The following TANK variants were observed in gnomAD, a reference collection of about 807,000 sequenced individuals.
The protein encoded by TANK is TRAF family member-associated NF-kappa-B activator.
Under a neutral mutation model 43.6 loss-of-function variants are expected in TANK, and 15 were observed. The ratio of observed to expected loss-of-function variants is 0.34; its 90% CI spans 0.23 to 0.53. The LOEUF (loss-of-function observed/expected upper bound fraction) is 0.53. Ranked by LOEUF, TANK falls within the 20% of genes least tolerant of loss-of-function variation. The pLI is 0.94. For missense variants in TANK, 417 were observed against 498.6 expected, an observed-to-expected ratio of 0.84 and a Z score of 1.56; for synonymous variants, 162 against 178.2, an observed-to-expected ratio of 0.91 and a Z score of 0.73.
At chr2:161,141,522 C>T (rs1683746596) in intron 1 of TANK, among the ~76,000 whole-genome samples, 1 of 152,098 alleles carries the variant, frequency 6.6e-6, no homozygotes, top group East Asian at 1.9e-4. Flanking sequence ...ATGTTGTTCC[C>T]CTCCCTGTGT....
chr2:161,212,406 T>G, intron 4 of TANK: 1 of 984,766 alleles, frequency 1.0e-6, no homozygotes, highest in Non-Finnish European at 1.2e-6. Context: ...CCAAAACATT[T>G]TAATAATTAC....
chr2:161,139,964 AGAAATGTTT>A, intron 1 of TANK: 5 of 948,828 alleles, frequency 5.3e-6, no homozygotes, highest in Non-Finnish European at 6.3e-6. Context: ...TATGCTAAAG[AGAAATGTTT>A]GAAATTTGCT....
At chr2:161,156,263 T>C (rs1032562304), upstream of TANK, 13 of 985,462 alleles carry the variant, frequency 1.3e-5, no homozygotes, top group Non-Finnish European at 1.6e-5. Context: ...ATTGATTTAT[T>C]ATTCTGCAAT....
intron 1 of TANK, among the ~76,000 whole-genome samples, chr2:161,173,606 A>G (rs894665434): frequency 7.9e-5 from 12 of 151,640 alleles, no homozygotes; most frequent in African/African-American, 2.9e-4. Context: ...TACCTGTGCT[A>G]CACAGACCTC....
intron 1 of TANK, among the ~76,000 whole-genome samples, chr2:161,169,749 A>G (rs75547453): frequency 0.041 from 6,201 of 152,142 alleles, 264 homozygotes; most frequent in East Asian, 0.18. Context: ...GGAGAGAGCT[A>G]GAGATTGTGC....
At chr2:161,199,310 G>A (rs962547858) in intron 2 of TANK, among the ~76,000 whole-genome samples, 6 of 151,714 alleles carry the variant, frequency 4.0e-5, no homozygotes, top group Non-Finnish European at 7.4e-5. Context: ...GAGGAAAGCA[G>A]TGATATTTTT....
intron 2 of TANK, among the ~76,000 whole-genome samples, chr2:161,190,297 A>C (rs751480826): frequency 3.3e-5 from 5 of 152,220 alleles, no homozygotes; most frequent in Non-Finnish European, 7.4e-5. Context: ...TCAAAAAAGC[A>C]AAATAAGTGT....
chr2:161,235,537 CA>C lies in TANK; in HGVS notation c.*20del. On this transcript the variant is annotated 3_prime_UTR_variant, in exon 8 of 8. Transcript: ENST00000392749. ...GACTTAAGACACATTTGAAAACAGA[CA>C]TATCAAGTTCTATGTGATGATTTTG... 1 of 1,597,088 alleles carries C rather than the reference CA, an allele frequency of 6.3e-7. No individual in the cohort carries two copies. The highest frequency in any genetic ancestry group is 2.3e-5 in the East Asian group (1 of 44,074).
At chr2:161,161,215 ATTG>A (rs766904076) in intron 1 of TANK, 237 of 1,528,854 alleles carry the variant, frequency 1.6e-4, no homozygotes, top group Non-Finnish European at 2.0e-4. Context: ...CTGTGCCTTT[ATTG>A]TTATGCTATA....
At chr2:161,137,247 G>GAC (rs1422859285) in intron 1 of TANK, 2 of 985,156 alleles carry the variant, frequency 2.0e-6, no homozygotes, top group African/African-American at 3.5e-5. Context: ...AAAATGGCTG[G>GAC]ACGTGGTGGG....
chr2:161,176,014 C>G (rs1474157649), intron 1 of TANK, among the ~76,000 whole-genome samples: 1 of 152,074 alleles, frequency 6.6e-6, no homozygotes, highest in Non-Finnish European at 1.5e-5. Context: ...AAAACCCTAA[C>G]TAGGAGAGTG....
chr2:161,222,481 G>T (rs145532580), intron 4 of TANK, among the ~76,000 whole-genome samples: 1 of 151,790 alleles, frequency 6.6e-6, no homozygotes, highest in African/African-American at 2.4e-5. Flanking sequence ...GTTTGTTTTC[G>T]TATTTGTAGT....
At position 161,149,746 on chromosome 2, in the gene TANK, T is replaced by G. The variant is rs1193698326; in HGVS notation, c.-50+12683T>G. Among the ~76,000 whole-genome samples the G allele has an allele frequency of 1.3e-3, 9 of 7,088 alleles. No homozygotes were observed. In the East Asian group the frequency reaches 0.15, roughly 118 times the overall value. The allele number at this position is 7,088 out of a possible 152,430, so 4.7% of individuals were successfully genotyped here. On this transcript the variant is annotated intron_variant, in intron 1 of 7. Transcript: ENST00000259075. The stretch of plus-strand genomic sequence containing the variant: ...CGTCAGTGGAGATAATCATGTGGGT[T>G]TTTTTTTTTTTCCATTTTTCTATGA...
chr2:161,223,956 A>C lies in TANK; in HGVS notation c.369A>C (p.Ser123=), dbSNP rs773827429. The change falls in exon 5 of 8, where the codon TCA becomes TCC. Residue 123 remains serine (S), a synonymous_variant. Coordinates refer to ENST00000392749, the MANE Select transcript of TANK (RefSeq NM_001199135.3). ...QEVSSPRKET[S]ARSLGSPLLH... ...TTTCTTCTCCTAGAAAAGAAACTTC[A>C]GCAAGGAGTCTTGGCAGTCCTTTGC... The C allele has an allele frequency of 6.2e-7, 1 of 1,603,072 alleles. No individual in the cohort carries two copies. The highest frequency in any genetic ancestry group is 2.2e-5 in the East Asian group (1 of 44,600).
At chr2:161,219,043 C>T (rs913364914) in intron 4 of TANK, among the ~76,000 whole-genome samples, 4 of 152,058 alleles carry the variant, frequency 2.6e-5, no homozygotes, top group Non-Finnish European at 5.9e-5. Context: ...AAAGCATGTC[C>T]ACAATTAAAT....
In TANK at chr2:161,230,963, C is replaced by T; in HGVS notation, c.521-8C>T. ...GGCTGTTTCTCTTTTGTGTTCTTCT[C>T]CCTCCAGAAACACAGTGCTCTGTGC... On this transcript the variant is annotated splice_polypyrimidine_tract_variant and splice_region_variant and intron_variant, in intron 6 of 7. Coordinates refer to ENST00000392749, the MANE Select transcript of TANK (RefSeq NM_001199135.3). 1 of 1,607,874 alleles carries T rather than the reference C, an allele frequency of 6.2e-7. No homozygotes were observed. The highest frequency in any genetic ancestry group is 8.5e-7 in the Non-Finnish European group (1 of 1,174,740).
chr2:161,232,642 C>G, intron 7 of TANK: 1 of 1,357,926 alleles, frequency 7.4e-7, no homozygotes, highest in Non-Finnish European at 9.7e-7. Context: ...TCATTTATTG[C>G]AAGTAGAATT....
At position 161,223,916 on chromosome 2, in the gene TANK, TAAG is replaced by T. The variant is rs1341150442; in HGVS notation, c.334_336del (p.Arg112del). 6.3e-7 allele frequency: 1 copy of T among 1,597,424 alleles called. No individual in the cohort carries two copies. Among genetic ancestry groups the T allele is most frequent in the Admixed American group, 1.7e-5 (1 of 59,718 alleles). On this transcript the variant is annotated inframe_deletion and splice_region_variant, in exon 5 of 8. Coordinates refer to ENST00000392749, the MANE Select transcript of TANK (RefSeq NM_001199135.3). ...TAGTAATCATTTTGTATGTTTAAGG[TAAG>T]AAGACAAGAGGTTTCTTCTCCTAGA... is the stretch of plus-strand genomic sequence containing the variant.
intron 2 of TANK, among the ~76,000 whole-genome samples, chr2:161,187,721 G>A (rs1190416823): frequency 2.0e-5 from 3 of 152,172 alleles, no homozygotes; most frequent in Admixed American, 6.5e-5. Flanking sequence ...TTGTAGAGCA[G>A]TTGGACCTAA....
Sources: gnomAD v4.1 joint callset for allele counts (sites outside exome capture counted in the v4.1 genomes callset) on GRCh38, gnomAD v4.1.1 for gene constraint, MANE v1.5 for transcripts, NCBI Gene and HGNC (gene_info 2026-07-23, HGNC 2026-07-21) for gene names.